The following TAFA1 variants were observed in gnomAD, a reference collection of about 807,000 sequenced individuals.
TAFA1 encodes the protein chemokine-like protein TAFA-1.
TAFA1 carries 4 observed loss-of-function variants against 18.5 expected under a neutral mutation model. The ratio of observed to expected loss-of-function variants is 0.22; its 90% CI spans 0.11 to 0.49. The LOEUF is 0.49. Ranked by LOEUF, TAFA1 falls within the 20% of genes least tolerant of loss-of-function variation. TAFA1 has a pLI of 0.98. For missense variants in TAFA1, 147 were observed against 169.0 expected, an observed-to-expected ratio of 0.87 and a Z score of 0.72; for synonymous variants, 56 against 55.2, an observed-to-expected ratio of 1.01 and a Z score of -0.06.
At chr3:68,256,643 T>C (rs1166564493) in intron 2 of TAFA1, among the ~76,000 whole-genome samples, 2 of 152,158 alleles carry the variant, frequency 1.3e-5, no homozygotes, top group Non-Finnish European at 2.9e-5. Context: ...TACATGGCCT[T>C]GGCATTGTGT....
At chr3:68,448,532 G>T (rs1261014860) in intron 3 of TAFA1, among the ~76,000 whole-genome samples, 1 of 152,080 alleles carries the variant, frequency 6.6e-6, no homozygotes, top group Non-Finnish European at 1.5e-5. Flanking sequence ...CTAATTCAAG[G>T]GTAGTTTGTT....
In TAFA1 at chr3:68,381,247, A is replaced by T. The variant is rs1358126162; in HGVS notation, c.119-36033A>T. ...CTTTTGGCTTAGGATTCACTTGGCA[A>T]TGTGGGCTCTTTTTTGGTTCCATAT... On this transcript the variant is annotated intron_variant, in intron 2 of 4. Transcript: ENST00000478136. 5.3e-5 allele frequency among the ~76,000 whole-genome samples: 8 copies of T among 151,784 alleles called. No homozygotes were observed. In the East Asian group the frequency reaches 1.6e-3, roughly 29 times the overall value.
At chr3:68,311,089 G>C (rs1007666520) in intron 2 of TAFA1, among the ~76,000 whole-genome samples, 1 of 152,162 alleles carries the variant, frequency 6.6e-6, no homozygotes, top group Non-Finnish European at 1.5e-5. Context: ...AAGAGAGCTT[G>C]TGCAGGGAGA....
At chr3:68,333,519 C>G (rs2068916597) in intron 2 of TAFA1, among the ~76,000 whole-genome samples, 1 of 152,120 alleles carries the variant, frequency 6.6e-6, no homozygotes, top group African/African-American at 2.4e-5. Context: ...CTATTGGGTA[C>G]TATGCTTACT....
At chr3:68,038,975 T>C (rs1314620863) in intron 2 of TAFA1, among the ~76,000 whole-genome samples, 1 of 152,320 alleles carries the variant, frequency 6.6e-6, no homozygotes, top group South Asian at 2.1e-4. Context: ...TTAACTCATA[T>C]GTGACTTTCA....
intron 3 of TAFA1, among the ~76,000 whole-genome samples, chr3:68,440,597 C>T (rs947551622): frequency 6.6e-6 from 1 of 152,168 alleles, no homozygotes; most frequent in African/African-American, 2.4e-5. Context: ...CCTTTGCCTT[C>T]AGCAAATGCC....
chr3:68,130,129 G>T (rs2065519504), intron 2 of TAFA1, among the ~76,000 whole-genome samples: 1 of 152,146 alleles, frequency 6.6e-6, no homozygotes, highest in East Asian at 1.9e-4. Context: ...GGCAGGCATT[G>T]CCCTGGAATG....
intron 2 of TAFA1, among the ~76,000 whole-genome samples, chr3:68,194,932 G>A (rs1473943077): frequency 6.6e-6 from 1 of 151,636 alleles, no homozygotes; most frequent in Non-Finnish European, 1.5e-5. Flanking sequence ...ACTAGTAATA[G>A]TTGTCTTCTC....
chr3:68,132,779 CT>C (rs2065558712), intron 2 of TAFA1, among the ~76,000 whole-genome samples: 1 of 152,040 alleles, frequency 6.6e-6, no homozygotes, highest in Admixed American at 6.6e-5. Context: ...GATATTAGCC[CT>C]TTTTCTGATG....
At chr3:68,522,107 A>C (rs529595525) in intron 3 of TAFA1, among the ~76,000 whole-genome samples, 1 of 151,866 alleles carries the variant, frequency 6.6e-6, no homozygotes, top group African/African-American at 2.4e-5. Context: ...TCAGCTTCCC[A>C]AAGTACTTGG....
At chr3:68,467,109 G>A (rs1559681510) in intron 3 of TAFA1, among the ~76,000 whole-genome samples, 1 of 152,170 alleles carries the variant, frequency 6.6e-6, no homozygotes, top group African/African-American at 2.4e-5. Context: ...CCCACAGGCA[G>A]CTAGACTTTT....
chr3:68,026,910 C>T (rs997607112), intron 2 of TAFA1, among the ~76,000 whole-genome samples: 1 of 152,062 alleles, frequency 6.6e-6, no homozygotes, highest in Non-Finnish European at 1.5e-5. Context: ...ATATAGGAAG[C>T]ACAGTGGTTT....
chr3:68,377,327 T>G (rs2069838133), intron 2 of TAFA1, among the ~76,000 whole-genome samples: 1 of 152,164 alleles, frequency 6.6e-6, no homozygotes, highest in Non-Finnish European at 1.5e-5. Flanking sequence ...CTGATACTGA[T>G]GTGGACAATG....
rs75517910 is a variant in TAFA1, at chr3:68,023,701, A to G, written c.118+16957A>G. Among the ~76,000 whole-genome samples, 947 of 151,874 alleles carry G rather than the reference A, an allele frequency of 6.2e-3. 40 individuals are homozygous for G. In the East Asian group the frequency reaches 0.13, roughly 20 times the overall value. ...TGTTGTATCAGTTTACTCAGTCTAT[A>G]AAGAAGGCAAAAGTGTAGATTTGAG... On this transcript the variant is annotated intron_variant, in intron 2 of 4. Transcript: ENST00000478136.
chr3:68,465,611 T>C (rs1449579707), intron 3 of TAFA1, among the ~76,000 whole-genome samples: 2 of 152,202 alleles, frequency 1.3e-5, no homozygotes, highest in Non-Finnish European at 2.9e-5. Context: ...ACTAGAATAG[T>C]GGGTCTTCTA....
chr3:68,086,750 A>G (rs1319770892), intron 2 of TAFA1, among the ~76,000 whole-genome samples: 1 of 152,194 alleles, frequency 6.6e-6, no homozygotes, highest in African/African-American at 2.4e-5. Context: ...TTGTGGCCAC[A>G]CATCCTATTG....
At chr3:68,486,767 T>C (rs10510970) in intron 3 of TAFA1, among the ~76,000 whole-genome samples, 30,395 of 152,180 alleles carry the variant, frequency 0.2, 3,202 homozygotes, top group African/African-American at 0.23. Context: ...GTTAATTACC[T>C]GGATGTCTTG....
chr3:68,298,434 A>G (rs1260865799), intron 2 of TAFA1, among the ~76,000 whole-genome samples: 2 of 152,188 alleles, frequency 1.3e-5, no homozygotes, highest in Non-Finnish European at 2.9e-5. Flanking sequence ...AAAGGAGGAC[A>G]TTGAAAGGGT....
chr3:68,342,820 T>C (rs553439565), intron 2 of TAFA1, among the ~76,000 whole-genome samples: 3 of 152,342 alleles, frequency 2.0e-5, no homozygotes, highest in South Asian at 4.1e-4. Flanking sequence ...AGGCCCAATC[T>C]GGCCTTTACA....
Sources: allele counts gnomAD v4.1 joint callset (sites outside exome capture counted in the v4.1 genomes callset), GRCh38; gene constraint gnomAD v4.1.1; transcripts MANE v1.5; gene names NCBI Gene and HGNC (gene_info 2026-07-23, HGNC 2026-07-21).